Variants in NCAM2 observed in about 807,000 individuals in gnomAD.
NCAM2 encodes N-CAM-2.
NCAM2 carries 30 observed loss-of-function variants against 98.1 expected under a neutral mutation model. That is an observed-to-expected ratio of 0.31 (90% CI 0.23 to 0.41). NCAM2 has a LOEUF of 0.41. Ranked by LOEUF, NCAM2 falls within the 10% of genes least tolerant of loss-of-function variation. The pLI, the probability that NCAM2 is intolerant of heterozygous loss-of-function variation, is 1.00. For synonymous variants in NCAM2, 368 were observed against 342.4 expected (o/e 1.07, Z -0.83); for missense variants, 867 against 1,005.8 (o/e 0.86, Z 1.87).
intron 1 of NCAM2, among the ~76,000 whole-genome samples, chr21:21,005,835 A>G (rs977213292): frequency 6.6e-6 from 1 of 151,914 alleles, no homozygotes; most frequent in African/African-American, 2.4e-5. Flanking sequence ...AAAAACTGAC[A>G]TGAAAAAAGA....
chr21:21,173,565 GTTTA>G (rs2068188740), intron 1 of NCAM2, among the ~76,000 whole-genome samples: 1 of 152,122 alleles, frequency 6.6e-6, no homozygotes, highest in Non-Finnish European at 1.5e-5. Context: ...GCTAAACTGA[GTTTA>G]TTTAGTTGTT....
chr21:21,093,520 A>G (rs150969788), intron 1 of NCAM2, among the ~76,000 whole-genome samples: 1 of 152,206 alleles, frequency 6.6e-6, no homozygotes, highest in Non-Finnish European at 1.5e-5. Flanking sequence ...TTGACCTGTT[A>G]AAGAAAATTG....
intron 8 of NCAM2, among the ~76,000 whole-genome samples, chr21:21,357,324 TACTTAG>T (rs954288313): frequency 2.3e-4 from 35 of 152,146 alleles, no homozygotes; most frequent in African/African-American, 7.2e-4. Context: ...TGACAAAAAT[TACTTAG>T]ACTTTGATTA....
In NCAM2 at chr21:21,464,770, C is replaced by G. The variant is rs1046623282; in HGVS notation, c.1655-1836C>G. Reference sequence around the variant, plus strand: ...TGCACTCAGCTTCTCTTCAGTGTAACTATATACTTTTCTGGGGCTTAAATT... The same window carrying G: ...TGCACTCAGCTTCTCTTCAGTGTAAGTATATACTTTTCTGGGGCTTAAATT... On this transcript the variant is annotated intron_variant, in intron 12 of 17. Transcript: ENST00000400546. Among the ~76,000 whole-genome samples the G allele has an allele frequency of 9.9e-5, 15 of 152,230 alleles. No individual in the cohort carries two copies. The South Asian group carries it at 2.7e-3, about 27-fold the overall frequency.
At chr21:21,318,059 A>G (rs1489186135) in intron 5 of NCAM2, among the ~76,000 whole-genome samples, 2 of 152,206 alleles carry the variant, frequency 1.3e-5, no homozygotes, top group African/African-American at 2.4e-5. Flanking sequence ...TGACTTTCTC[A>G]AAAGAAAATC....
At chr21:21,286,237 G>A in intron 3 of NCAM2, 32 bp from the exon 4 acceptor site, 1 of 1,545,550 alleles carries the variant, frequency 6.5e-7, no homozygotes, top group Non-Finnish European at 8.8e-7. Flanking sequence ...TGTGATTTGT[G>A]ATTTGTGATT....
At chr21:21,481,483 G>A (rs1312769748) in intron 15 of NCAM2, among the ~76,000 whole-genome samples, 1 of 152,210 alleles carries the variant, frequency 6.6e-6, no homozygotes, top group Non-Finnish European at 1.5e-5. Flanking sequence ...TGACGTCATT[G>A]AGAGATAAAT....
At chr21:21,064,551 G>A (rs1476824410) in intron 1 of NCAM2, among the ~76,000 whole-genome samples, 2 of 152,166 alleles carry the variant, frequency 1.3e-5, no homozygotes, top group African/African-American at 4.8e-5. Context: ...TCACCAGCTA[G>A]GTTAGTCATT....
chr21:21,232,277 A>G (rs767223562), intron 1 of NCAM2, among the ~76,000 whole-genome samples: 5 of 151,654 alleles, frequency 3.3e-5, no homozygotes, highest in Admixed American at 1.3e-4. Flanking sequence ...TAATTTTTGA[A>G]CAACACATAA....
intron 1 of NCAM2, among the ~76,000 whole-genome samples, chr21:21,253,373 T>C (rs1568837421): frequency 1.3e-5 from 2 of 152,190 alleles, no homozygotes; most frequent in African/African-American, 2.4e-5. Context: ...CAAATTCATG[T>C]GCTGAAACTT....
At position 21,354,941 on chromosome 21, in the gene NCAM2, G is replaced by T. The variant is rs114664891; in HGVS notation, c.1044+16407G>T. Among the ~76,000 whole-genome samples, 883 of 152,220 alleles carry T rather than the reference G, an allele frequency of 5.8e-3. 9 individuals carry two copies. Among genetic ancestry groups the T allele is most frequent in the African/African-American group, 0.02 (846 of 41,520 alleles). On this transcript the variant is annotated intron_variant, in intron 8 of 17. Transcript: ENST00000400546. ...TTCTGCTAAAGTGAAATAATAAAAT[G>T]CTGGCCTTGGTCTTAGCCTAGATCA...
At chr21:21,156,885 T>C (rs1006795860) in intron 1 of NCAM2, among the ~76,000 whole-genome samples, 2 of 152,124 alleles carry the variant, frequency 1.3e-5, no homozygotes, top group Non-Finnish European at 2.9e-5. Context: ...TGTGTTCTAA[T>C]AAAGGCTTAA....
At chr21:21,451,888 G>C (rs2146132805) in intron 12 of NCAM2, among the ~76,000 whole-genome samples, 1 of 152,014 alleles carries the variant, frequency 6.6e-6, no homozygotes, top group East Asian at 1.9e-4. Flanking sequence ...CAAGGCCCAT[G>C]ATTTTCTGTC....
chr21:21,117,956 ATAT>A (rs554611265), intron 1 of NCAM2, among the ~76,000 whole-genome samples: 84 of 152,332 alleles, frequency 5.5e-4, no homozygotes, highest in African/African-American at 1.8e-3. Flanking sequence ...AAGTTGCCTG[ATAT>A]TTATGACTTT....
intron 12 of NCAM2, among the ~76,000 whole-genome samples, chr21:21,461,114 T>C (rs1036849652): frequency 4.0e-5 from 6 of 151,888 alleles, no homozygotes; most frequent in Non-Finnish European, 8.8e-5. Flanking sequence ...AAATGTTTAG[T>C]AATTACACAT....
chr21:21,365,112 G>A (rs2588656), intron 8 of NCAM2, among the ~76,000 whole-genome samples: 2 of 152,080 alleles, frequency 1.3e-5, no homozygotes, highest in South Asian at 2.1e-4. Context: ...GCTGGAATTC[G>A]CACAGTGGGG....
intron 1 of NCAM2, among the ~76,000 whole-genome samples, chr21:21,026,518 A>G (rs1361361202): frequency 6.6e-6 from 1 of 151,992 alleles, no homozygotes; most frequent in Non-Finnish European, 1.5e-5. Flanking sequence ...CCAGCTACTC[A>G]GGAACTTGAG....
At chr21:21,433,283 T>C (rs1171116911) in intron 12 of NCAM2, among the ~76,000 whole-genome samples, 1 of 152,174 alleles carries the variant, frequency 6.6e-6, no homozygotes, top group African/African-American at 2.4e-5. Flanking sequence ...ATACTTGGAT[T>C]ATATTATCTG....
At chr21:21,160,562 G>A (rs1223046937) in intron 1 of NCAM2, among the ~76,000 whole-genome samples, 1 of 151,876 alleles carries the variant, frequency 6.6e-6, no homozygotes, top group South Asian at 2.1e-4. Flanking sequence ...CTTTAAAAGT[G>A]AAACAACTTA....
Sources: allele counts gnomAD v4.1 joint callset (sites outside exome capture counted in the v4.1 genomes callset), GRCh38; gene constraint gnomAD v4.1.1; transcripts MANE v1.5; gene names NCBI Gene and HGNC (gene_info 2026-07-23, HGNC 2026-07-21).